The following DLK2 variants were observed in gnomAD, a reference collection of about 807,000 sequenced individuals.
DLK2 encodes delta like non-canonical Notch ligand 2.
Under a neutral mutation model 31.3 loss-of-function variants are expected in DLK2, and 9 were observed. The ratio of observed to expected loss-of-function variants is 0.29; its 90% confidence interval spans 0.17 to 0.50. The LOEUF (loss-of-function observed/expected upper bound fraction) is 0.50, where lower values mean the gene tolerates loss of function less well. DLK2 is among the 20% of genes least tolerant of loss of function. DLK2 has a pLI of 0.98. For synonymous variants in DLK2, 169 were observed against 201.2 expected (o/e 0.84, Z 1.35); for missense variants, 387 against 526.1 (o/e 0.74, Z 2.59).
Position 43,454,848 on chromosome 6 carries a change from G to T in DLK2, c.-23C>A. 6.5e-7 allele frequency: 1 copy of T among 1,539,896 alleles called. No individual in the cohort carries two copies. The highest frequency in any genetic ancestry group is 8.7e-7 in the Non-Finnish European group (1 of 1,148,474). On this transcript the variant is annotated 5_prime_UTR_variant, in exon 2 of 6. Transcript: ENST00000372488. ...CATGGTCAGCGCCGGCCCCAGGAGGGACGGACGGATGGACGGCCGGACGCG... is the reference window on the plus strand; with the variant it reads ...CATGGTCAGCGCCGGCCCCAGGAGGTACGGACGGATGGACGGCCGGACGCG...
rs959015931 is a variant in DLK2 at position 43,451,460 on chromosome 6, A to G, written c.417-186T>C. Among the ~76,000 whole-genome samples, 1 of 152,226 alleles carries G rather than the reference A, an allele frequency of 6.6e-6. No individual in the cohort carries two copies. The highest frequency in any genetic ancestry group is 2.4e-5 in the African/African-American group (1 of 41,464). ...TCCCTAATTGTGAGGGTTGAGTGAA[A>G]TAATCAATGTCAAGCCATTAGCACA... is the stretch of plus-strand genomic sequence containing the variant. On this transcript the variant is annotated intron_variant, in intron 5 of 5. Transcript: ENST00000372488. This position sits in a 1 kb window ranked among gnomAD's most constrained non-coding sequence, Gnocchi z 4.4.
intron 4 of DLK2, among the ~76,000 whole-genome samples, chr6:43,452,661 G>A (rs1349550375): frequency 3.3e-5 from 5 of 152,010 alleles, no homozygotes; most frequent in Admixed American, 2.6e-4. Flanking sequence ...ACAGTGAGCC[G>A]AGATCGCACC....
intron 2 of DLK2, 107 bp downstream of exon 2, chr6:43,454,643 C>T: frequency 1.4e-6 from 2 of 1,432,794 alleles, no homozygotes; most frequent in Non-Finnish European, 1.9e-6. Flanking sequence ...GTCTTGCTTG[C>T]CCCGCGGGTC....
chr6:43,452,935 A>G (rs1359612782), intron 4 of DLK2, 70 bp downstream of exon 4: 3 of 1,597,670 alleles, frequency 1.9e-6, no homozygotes, highest in East Asian at 2.2e-5. Flanking sequence ...TAGGCACTCA[A>G]TAAATACTGA....
In DLK2 at chr6:43,453,863, T is replaced by C. The variant is rs1343943972; in HGVS notation, c.140+548A>G. Among the ~76,000 whole-genome samples, 2 of 131,550 alleles carry C rather than the reference T, an allele frequency of 1.5e-5. No individual in the cohort carries two copies. The highest frequency in any genetic ancestry group is 3.9e-4 in the East Asian group (2 of 5,176). The allele number at this position is 131,550 out of a possible 152,430, so 86.3% of individuals were successfully genotyped here. A position where few individuals can be genotyped will look rare whatever the true frequency, so the allele number is the denominator to read the frequency against. On this transcript the variant is annotated intron_variant, in intron 3 of 5. Coordinates refer to ENST00000372488, the MANE Select transcript of DLK2 (RefSeq NM_023932.4). This position sits in a 1 kb window ranked among gnomAD's most constrained non-coding sequence, Gnocchi z 4.1. Reference sequence around the variant, plus strand: ...CCCACCATGATTCCAGGGCAAACACTTGACCCATATTTTAAAAGCCCTCCA... The same window carrying C: ...CCCACCATGATTCCAGGGCAAACACCTGACCCATATTTTAAAAGCCCTCCA...
chr6:43,454,551 T>A (rs757815988), intron 2 of DLK2, 77 bp from the exon 3 acceptor site: 3 of 1,461,992 alleles, frequency 2.1e-6, no homozygotes, highest in Non-Finnish European at 1.9e-6. Flanking sequence ...AGGAGAGGAT[T>A]GGGGTTCCAG....
At chr6:43,452,202 C>G in intron 4 of DLK2, 118 bp from the exon 5 acceptor site, 1 of 1,443,764 alleles carries the variant, frequency 6.9e-7, no homozygotes, top group Non-Finnish European at 9.3e-7. Flanking sequence ...CAAACCCAGC[C>G]CAGGCTGGCG....
intron 4 of DLK2, 104 bp from the exon 5 acceptor site, chr6:43,452,188 A>G: frequency 1.3e-6 from 2 of 1,511,160 alleles, no homozygotes; most frequent in Non-Finnish European, 1.8e-6. Flanking sequence ...GTGTGGCTAT[A>G]CTACAAACCC....
In DLK2 at chr6:43,453,081, G is replaced by C; in HGVS notation, c.195C>G (p.Gly65=). ...LHCERCVRMP[G]CQHGTCHQPW... is the part of the protein sequence containing the mutation. ...GCTGGTGGCAGGTACCGTGCTGGCA[G>C]CCAGGCATCCTCACACAGCGCTCAC... The change falls in exon 4 of 6, where the codon GGC becomes GGG. Residue 65 remains glycine, a synonymous_variant. Transcript: ENST00000372488. The surrounding 1 kb of genome is among the most constrained non-coding windows in gnomAD (Gnocchi z 4.1). 2 of 1,614,116 alleles carry C rather than the reference G, an allele frequency of 1.2e-6. No homozygotes were observed. Among genetic ancestry groups the C allele is most frequent in the Non-Finnish European group, 1.7e-6 (2 of 1,179,992 alleles).
In DLK2 at chr6:43,450,828, C is replaced by T. The variant is rs768837940; in HGVS notation, c.863G>A (p.Arg288Gln). 1.4e-5 allele frequency: 22 copies of T among 1,614,046 alleles called. No individual in the cohort carries two copies. Among genetic ancestry groups the T allele is most frequent in the South Asian group, 3.3e-5 (3 of 91,084 alleles). ...CCGCACCACCTCCTTCACTGAGATC[C>T]GCAGCAGACCAGCCCCTGCGCTGTG... ...APHSAGAGLL[R>Q]ISVKEVVRRQ... Residue 288 changes from arginine to glutamine, a missense_variant, in exon 6 of 6, where the codon CGG becomes CAG. Arg to Gln is a conservative substitution (Grantham distance 43). Coordinates refer to ENST00000372488, the MANE Select transcript of DLK2 (RefSeq NM_023932.4). The surrounding 1 kb of genome is among the most constrained non-coding windows in gnomAD (Gnocchi z 4.5).
Position 43,454,973 on chromosome 6 carries a change from C to T in DLK2, c.-55-93G>A, listed in dbSNP as rs549211023. On this transcript the variant is annotated intron_variant, in intron 1 of 5. Coordinates refer to ENST00000372488, the MANE Select transcript of DLK2 (RefSeq NM_023932.4). The stretch of plus-strand genomic sequence containing the variant: ...GACAGGAGCCGACGAGGGAGAGGGG[C>T]GCCGGGACAGAAGAAGGGGATGGGG... 72 of 1,414,492 alleles carry T rather than the reference C, an allele frequency of 5.1e-5. No individual in the cohort carries two copies. In the South Asian group the frequency reaches 8.8e-4, roughly 17 times the overall value. 87.6% of individuals were successfully genotyped at this position (1,414,492 alleles called of 1,614,324 possible).
intron 3 of DLK2, 53 bp downstream of exon 3, chr6:43,454,358 G>A: frequency 6.5e-7 from 1 of 1,543,542 alleles, no homozygotes; most frequent in Non-Finnish European, 8.8e-7. Context: ...TGCACGTGAA[G>A]GGCTTAGAAA....
chr6:43,450,569 G>A lies in DLK2; in HGVS notation c.1122C>T (p.Pro374=), dbSNP rs955956379. 1.3e-6 allele frequency: 2 copies of A among 1,574,596 alleles called. No individual in the cohort carries two copies. The highest frequency in any genetic ancestry group is 2.7e-5 in the African/African-American group (2 of 74,386). The part of the protein sequence containing the change: ...PAGLPLPRDL[P]PEPGKTTAL ...GTGCTGTGGTCTTTCCAGGCTCAGG[G>A]GGCAAGTCACGTGGCAGGGGGAGCC... The change falls in exon 6 of 6, where the codon CCC becomes CCT. Residue 374 remains proline, a synonymous_variant. Transcript: ENST00000372488. The surrounding 1 kb of genome is among the most constrained non-coding windows in gnomAD (Gnocchi z 4.5).
rs1206897258 is a variant in DLK2, at chr6:43,450,385, A to G, written c.*154T>C. 9.5e-7 allele frequency: 1 copy of G among 1,054,924 alleles called. No homozygotes were observed. The highest frequency in any genetic ancestry group is 1.3e-6 in the Non-Finnish European group (1 of 760,974). 65.3% of individuals were successfully genotyped at this position (1,054,924 alleles called of 1,614,324 possible). ...TCATAGTTTTATTTGATAAAATTCC[A>G]TCTTACATTCTGTGTATTAAAAAAA... On this transcript the variant is annotated 3_prime_UTR_variant, in exon 6 of 6. Transcript: ENST00000372488. The surrounding 1 kb of genome is among the most constrained non-coding windows in gnomAD (Gnocchi z 4.5).
chr6:43,451,034 G>T lies in DLK2; in HGVS notation c.657C>A (p.Arg219=). 2.5e-6 allele frequency: 4 copies of T among 1,614,240 alleles called. No homozygotes were observed. Among genetic ancestry groups the T allele is most frequent in the Non-Finnish European group, 3.4e-6 (4 of 1,180,036 alleles). Residue 219 remains arginine, a synonymous_variant, in exon 6 of 6, where the codon CGC becomes CGA. Coordinates refer to ENST00000372488, the MANE Select transcript of DLK2 (RefSeq NM_023932.4). The surrounding 1 kb of genome is among the most constrained non-coding windows in gnomAD (Gnocchi z 4.4). ...GACAGCGGGCCCCTCTCTGGCATGG[G>T]CGGCTGGCACAGTCATCCAGGTTGA... The part of the protein sequence containing the change: ...CTINLDDCAS[R]PCQRGARCRD...
At position 43,450,679 on chromosome 6, in the gene DLK2, G is replaced by C. The variant is rs781437229; in HGVS notation, c.1012C>G (p.Pro338Ala). 2 of 1,613,958 alleles carry C rather than the reference G, an allele frequency of 1.2e-6. No individual in the cohort carries two copies. The highest frequency in any genetic ancestry group is 2.2e-5 in the South Asian group (2 of 91,082). ...GCAGGGTAGCAACAGGGTCCAGGGG[G>C]GCAGACACCCCGGCGCCAGGCCCTC... ...TLRAWRRGVC[P>A]PGPCCYPAPH... is the part of the protein sequence containing the mutation. The change falls in exon 6 of 6, where the codon CCC (proline) becomes GCC (alanine). Residue 338 changes from proline to alanine, a missense_variant. Physicochemically the swap from Pro to Ala is conservative, Grantham distance 27. Transcript: ENST00000372488. This position sits in a 1 kb window ranked among gnomAD's most constrained non-coding sequence, Gnocchi z 4.5.
chr6:43,452,025 C>G lies in DLK2; in HGVS notation c.331G>C (p.Gly111Arg). ...CQNGGQCMYD[G>R]GGEYHCVCLP... ...CACACACAATGGTACTCACCGCCCCCGTCATACATGCACTGGCCTCCATTC... is the reference window on the plus strand; with the variant it reads ...CACACACAATGGTACTCACCGCCCCGGTCATACATGCACTGGCCTCCATTC... Residue 111 changes from glycine (G) to arginine (R), a missense_variant, in exon 5 of 6, where the codon GGG becomes CGG. Gly to Arg is a moderately radical substitution (Grantham distance 125). Coordinates refer to ENST00000372488, the MANE Select transcript of DLK2 (RefSeq NM_023932.4). 1 of 1,614,234 alleles carries G rather than the reference C, an allele frequency of 6.2e-7. No homozygotes were observed. The highest frequency in any genetic ancestry group is 8.5e-7 in the Non-Finnish European group (1 of 1,180,044).
intron 1 of DLK2, 118 bp downstream of exon 1, chr6:43,455,277 G>GCCCCCCC (rs572751222): frequency 2.3e-5 from 3 of 128,094 alleles, no homozygotes; most frequent in Non-Finnish European, 3.3e-5. Flanking sequence ...AGCTCCGACA[G>GCCCCCCC]CCCCCCCCCC....
chr6:43,450,492 G>A lies in DLK2; in HGVS notation c.*47C>T, dbSNP rs765154567. On this transcript the variant is annotated 3_prime_UTR_variant, in exon 6 of 6. Coordinates refer to ENST00000372488, the MANE Select transcript of DLK2 (RefSeq NM_023932.4). This position sits in a 1 kb window ranked among gnomAD's most constrained non-coding sequence, Gnocchi z 4.5. ...TGGTGAGAACGGACCACTCCAGTCT[G>A]AGGGGTGGAAGAGGTGAGGAAGGGG... The A allele has an allele frequency of 9.2e-6, 14 of 1,518,716 alleles. No homozygotes were observed. The highest frequency in any genetic ancestry group is 2.0e-4 in the Middle Eastern group (1 of 5,032). The allele number at this position is 1,518,716 out of a possible 1,614,324, so 94.1% of individuals were successfully genotyped here. A position where few individuals can be genotyped will look rare whatever the true frequency, so the allele number is the denominator to read the frequency against.
Sources: gnomAD v4.1 joint callset for allele counts (sites outside exome capture counted in the v4.1 genomes callset) on GRCh38, gnomAD v4.1.1 for gene constraint, Gnocchi (gnomAD v3.1) non-coding constraint, MANE v1.5 for transcripts, NCBI Gene and HGNC (gene_info 2026-07-23, HGNC 2026-07-21) for gene names.